The following FAM184A variants were observed in gnomAD, a reference collection of about 807,000 sequenced individuals.
FAM184A encodes protein FAM184A.
A neutral mutation model predicts 143.8 loss-of-function variants in FAM184A; 99 were observed. The observed-to-expected ratio is 0.69, with a 90% CI of 0.58 to 0.81. FAM184A has a LOEUF of 0.81. Ranked by LOEUF, FAM184A falls within the 40% of genes least tolerant of loss-of-function variation. The pLI is 0.00. For missense variants in FAM184A, 1,217 were observed against 1,310.5 expected (o/e 0.93, Z 1.10); for synonymous variants, 427 against 446.4 (o/e 0.96, Z 0.55).
At chr6:119,016,395 A>G (rs1372523882) in intron 5 of FAM184A, among the ~76,000 whole-genome samples, 1 of 152,092 alleles carries the variant, frequency 6.6e-6, no homozygotes, top group Non-Finnish European at 1.5e-5. Context: ...AACACTCACC[A>G]CGAAGATCTG....
At chr6:118,972,477 G>A (rs1783725141) in intron 14 of FAM184A, among the ~76,000 whole-genome samples, 1 of 152,150 alleles carries the variant, frequency 6.6e-6, no homozygotes, top group African/African-American at 2.4e-5. Flanking sequence ...CCTGGTGGCA[G>A]TAAGTTTCTG....
intron 4 of FAM184A, among the ~76,000 whole-genome samples, chr6:119,017,223 G>A (rs990961394): frequency 5.9e-5 from 9 of 152,210 alleles, no homozygotes; most frequent in African/African-American, 1.9e-4. Flanking sequence ...GCTGGGCCGG[G>A]TGCAGTGGCT....
intron 1 of FAM184A, among the ~76,000 whole-genome samples, chr6:119,062,897 A>C (rs1299912878): frequency 6.6e-6 from 1 of 152,232 alleles, no homozygotes; most frequent in Non-Finnish European, 1.5e-5. Flanking sequence ...CCAAGAGTAC[A>C]TATAGGAATA....
rs1194820100 is a variant in FAM184A, at chr6:119,140,590, G to A, written c.-202+8488C>T. 5.9e-5 allele frequency among the ~76,000 whole-genome samples: 9 copies of A among 152,236 alleles called. No homozygotes were observed. In the South Asian group the frequency reaches 1.2e-3, roughly 21 times the overall value. On this transcript the variant is annotated intron_variant, in intron 1 of 16. Coordinates refer to the FAM184A transcript ENST00000352896. The stretch of plus-strand genomic sequence containing the variant: ...CCTTGTAATCAGCATCATCTCATCC[G>A]CACCTTTCAACCACTGGCAACACAA...
chr6:118,988,174 G>T (rs987546125), intron 9 of FAM184A, among the ~76,000 whole-genome samples: 1 of 152,138 alleles, frequency 6.6e-6, no homozygotes, highest in Admixed American at 6.6e-5. Flanking sequence ...TCAACTAAGT[G>T]AAAGAAAGAG....
chr6:118,973,387 T>C (rs1414689382), intron 14 of FAM184A, among the ~76,000 whole-genome samples: 1 of 151,684 alleles, frequency 6.6e-6, no homozygotes, highest in Non-Finnish European at 1.5e-5. Context: ...ACACAGGAGG[T>C]TATTCTAGAC....
At position 119,024,228 on chromosome 6, in the gene FAM184A, C is replaced by A. The variant is rs748356563; in HGVS notation, c.745G>T (p.Glu249Ter). 9.9e-6 allele frequency: 16 copies of A among 1,614,124 alleles called. No individual in the cohort carries two copies. The highest frequency in any genetic ancestry group is 1.3e-5 in the Non-Finnish European group (15 of 1,180,048). ...LERKKLIEDY[E>*]GKLNKAQSFY... is the part of the protein sequence containing the mutation. ...GACTGAGCTTTATTCAACTTGCCTTCATAATCCTCAATTAGTTTCTTCCGT... is the reference window on the plus strand; with the variant it reads ...GACTGAGCTTTATTCAACTTGCCTTAATAATCCTCAATTAGTTTCTTCCGT... The change falls in exon 2 of 18, where the codon GAA becomes TAA. Residue 249 changes from glutamate to a stop codon, truncating the protein, a stop_gained. Transcript: ENST00000338891. LOFTEE classifies it high-confidence loss of function.
intron 1 of FAM184A, among the ~76,000 whole-genome samples, chr6:119,061,799 G>A (rs1787261348): frequency 6.6e-6 from 1 of 152,008 alleles, no homozygotes; most frequent in African/African-American, 2.4e-5. Context: ...GGGAGGGATA[G>A]GGAAAGATTT....
At chr6:119,021,573 G>C (rs1241571278) in intron 3 of FAM184A, among the ~76,000 whole-genome samples, 1 of 152,076 alleles carries the variant, frequency 6.6e-6, no homozygotes, top group Non-Finnish European at 1.5e-5. Flanking sequence ...CCAGCTACTG[G>C]GAAGGCTAAG....
intron 9 of FAM184A, among the ~76,000 whole-genome samples, chr6:118,987,499 T>C (rs1784230173): frequency 6.6e-6 from 1 of 152,192 alleles, no homozygotes; most frequent in Non-Finnish European, 1.5e-5. Flanking sequence ...GAATATTATT[T>C]TGAAGATGAA....
chr6:119,003,094 T>C, intron 8 of FAM184A, 45 bp from the exon 9 acceptor site: 2 of 1,519,842 alleles, frequency 1.3e-6, no homozygotes, highest in Non-Finnish European at 1.8e-6. Flanking sequence ...GAATTATTCC[T>C]TTCACTGACT....
intron 1 of FAM184A, among the ~76,000 whole-genome samples, chr6:119,045,078 T>C: frequency 6.6e-6 from 1 of 152,214 alleles, no homozygotes; most frequent in East Asian, 1.9e-4. Flanking sequence ...TCCAACCTTT[T>C]GCCCCTTCAT....
At chr6:119,055,794 T>C (rs1398438300) in intron 1 of FAM184A, among the ~76,000 whole-genome samples, 1 of 152,168 alleles carries the variant, frequency 6.6e-6, no homozygotes, top group Non-Finnish European at 1.5e-5. Flanking sequence ...ATGGGCTTCA[T>C]CTACCCTTTT....
chr6:119,000,305 A>G lies in FAM184A; in HGVS notation c.2088+2594T>C, dbSNP rs74608413. Among the ~76,000 whole-genome samples the G allele has an allele frequency of 6.2e-3, 951 of 152,354 alleles. 7 individuals are homozygous for G. The highest frequency in any genetic ancestry group is 0.021 in the African/African-American group (883 of 41,584). On this transcript the variant is annotated intron_variant, in intron 9 of 17. Coordinates refer to ENST00000338891, the MANE Select transcript of FAM184A (RefSeq NM_024581.6). ...GGATAGAGTTGAAGAATAAGAATGT[A>G]GTTTTTTCGCTTTAAAGAATTCAAA...
intron 1 of FAM184A, among the ~76,000 whole-genome samples, chr6:119,076,934 A>G (rs1322303061): frequency 6.6e-6 from 1 of 152,224 alleles, no homozygotes; most frequent in African/African-American, 2.4e-5. Context: ...AACAAAAGAC[A>G]AAAAAGAAAA....
intron 1 of FAM184A, among the ~76,000 whole-genome samples, chr6:119,129,679 G>A (rs764612920): frequency 2.0e-5 from 3 of 150,450 alleles, no homozygotes; most frequent in African/African-American, 7.3e-5. Context: ...GAGCTGAATA[G>A]GGGGGTGTTT....
At position 118,966,922 on chromosome 6, in the gene FAM184A, CATT is replaced by C. The variant is rs771246802; in HGVS notation, c.2943_2945del (p.Met982del). 5.4e-5 allele frequency: 85 copies of C among 1,567,476 alleles called. No homozygotes were observed. Among genetic ancestry groups the C allele is most frequent in the Non-Finnish European group, 7.2e-5 (82 of 1,143,222 alleles). On this transcript the variant is annotated inframe_deletion, in exon 15 of 18. Transcript: ENST00000338891. ...GTATATCTTCTGGTTTTGATTCTCT[CATT>C]AGATATTTTTCTTCCATTTCTTCTA...
chr6:119,132,221 A>C (rs1789551598), intron 1 of FAM184A, among the ~76,000 whole-genome samples: 1 of 152,218 alleles, frequency 6.6e-6, no homozygotes, highest in African/African-American at 2.4e-5. Flanking sequence ...CATTTCTCTC[A>C]TAATAATCAA....
At chr6:119,064,811 C>T (rs1204523418) in intron 1 of FAM184A, among the ~76,000 whole-genome samples, 1 of 152,156 alleles carries the variant, frequency 6.6e-6, no homozygotes, top group African/African-American at 2.4e-5. Flanking sequence ...CAGCTCTTTC[C>T]TTCTCTTTTC....
Sources: gnomAD v4.1 joint callset for allele counts (sites outside exome capture counted in the v4.1 genomes callset) on GRCh38, gnomAD v4.1.1 for gene constraint, MANE v1.5 for transcripts, NCBI Gene and HGNC (gene_info 2026-07-23, HGNC 2026-07-21) for gene names.